Variants in SMYD4 observed in about 807,000 individuals in gnomAD.
SMYD4 encodes protein-lysine N-methyltransferase SMYD4.
In SMYD4, 68 loss-of-function variants were observed where a neutral mutation model predicts 72.8. The observed-to-expected ratio is 0.93, with a 90% CI of 0.77 to 1.14. The LOEUF is 1.14. Ranked by LOEUF, SMYD4 falls within the 50% of genes most tolerant of loss-of-function variation. SMYD4 has a pLI of 0.00. For missense variants in SMYD4, 984 were observed against 1,003.7 expected, an observed-to-expected ratio of 0.98 and a Z score of 0.27; for synonymous variants, 407 against 388.6, an observed-to-expected ratio of 1.05 and a Z score of -0.56.
chr17:1,800,899 G>C lies in SMYD4; in HGVS notation c.495C>G (p.Thr165=). 1 of 1,614,176 alleles carries C rather than the reference G, an allele frequency of 6.2e-7. No homozygotes were observed. The highest frequency in any genetic ancestry group is 8.5e-7 in the Non-Finnish European group (1 of 1,180,032). Residue 165 remains threonine, a synonymous_variant, in exon 5 of 11, where the codon ACC becomes ACG. Coordinates refer to ENST00000305513, the MANE Select transcript of SMYD4 (RefSeq NM_052928.3). ...ALGRLQEASQ[T]ISDLERNFTA... ...TGAAGTTCCTTTCAAGATCACTGAT[G>C]GTCTGGCTTGCCTCCTGCAGTCTCC...
chr17:1,820,987 G>C (rs952841037), intron 2 of SMYD4, among the ~76,000 whole-genome samples: 2 of 152,166 alleles, frequency 1.3e-5, no homozygotes, highest in Non-Finnish European at 2.9e-5. Context: ...TTTTTAAGGA[G>C]AGAGGTCTGG....
At chr17:1,819,618 T>C (rs58359867) in intron 2 of SMYD4, among the ~76,000 whole-genome samples, 28,485 of 152,146 alleles carry the variant, frequency 0.19, 2,753 homozygotes, top group Middle Eastern at 0.2. Context: ...CTACTGATAA[T>C]TGCCAGAATC....
At chr17:1,817,165 G>A (rs1910647386) in intron 2 of SMYD4, among the ~76,000 whole-genome samples, 1 of 151,386 alleles carries the variant, frequency 6.6e-6, no homozygotes, top group South Asian at 2.1e-4. Flanking sequence ...AGCCTCCCGA[G>A]TAGCCGGGAT....
intron 5 of SMYD4, among the ~76,000 whole-genome samples, chr17:1,794,106 T>TATATATATATATA (rs1491522927): frequency 2.8e-4 from 3 of 10,628 alleles, no homozygotes; most frequent in African/African-American, 3.9e-4. Flanking sequence ...TATATATATA[T>TATATATATATATA]TTTTTTTTTT....
intron 5 of SMYD4, among the ~76,000 whole-genome samples, chr17:1,799,652 G>A (rs1315774492): frequency 1.3e-5 from 2 of 152,076 alleles, no homozygotes; most frequent in Admixed American, 6.6e-5. Context: ...GGGATTATAG[G>A]AGTGGGCCAC....
intron 2 of SMYD4, among the ~76,000 whole-genome samples, chr17:1,815,227 C>A (rs1008608986): frequency 6.6e-6 from 1 of 151,978 alleles, no homozygotes; most frequent in African/African-American, 2.4e-5. Context: ...CCACACCCAG[C>A]TAATTTTTGT....
At chr17:1,826,934 T>A (rs1013154894) in intron 2 of SMYD4, among the ~76,000 whole-genome samples, 1 of 152,044 alleles carries the variant, frequency 6.6e-6, no homozygotes, top group African/African-American at 2.4e-5. Flanking sequence ...GCGGATCATT[T>A]GAGGGCAGGA....
Position 1,804,138 on chromosome 17 carries a change from G to A in SMYD4, c.369+488C>T, listed in dbSNP as rs186196294. ...GATCCGCCTGCCTCAGCCTCCCAAA[G>A]TGTTGGGATTACAGGCATGAGCCAC... On this transcript the variant is annotated intron_variant, in intron 4 of 10. Transcript: ENST00000305513. 1.5e-3 allele frequency among the ~76,000 whole-genome samples: 225 copies of A among 151,860 alleles called. 1 individual carries two copies. The highest frequency in any genetic ancestry group is 5.2e-3 in the African/African-American group (214 of 41,406).
At chr17:1,815,582 C>T (rs1567785222) in intron 2 of SMYD4, among the ~76,000 whole-genome samples, 1 of 148,714 alleles carries the variant, frequency 6.7e-6, no homozygotes, top group African/African-American at 2.5e-5. Flanking sequence ...CGCTTGAGCC[C>T]AGAAGGTCAG....
At chr17:1,794,344 C>G (rs1217838527) in intron 5 of SMYD4, among the ~76,000 whole-genome samples, 2 of 147,564 alleles carry the variant, frequency 1.4e-5, no homozygotes, top group Admixed American at 1.4e-4. Flanking sequence ...TGGACACGAT[C>G]TCCTGACCTT....
chr17:1,797,435 C>G (rs1342591050), intron 5 of SMYD4, among the ~76,000 whole-genome samples: 1 of 152,174 alleles, frequency 6.6e-6, no homozygotes, highest in East Asian at 1.9e-4. Flanking sequence ...AGATGTCAAG[C>G]TGGATCATGA....
intron 5 of SMYD4, among the ~76,000 whole-genome samples, chr17:1,794,774 T>C (rs1431119121): frequency 6.6e-6 from 1 of 151,496 alleles, no homozygotes; most frequent in East Asian, 1.9e-4. Context: ...TTATTCAAGA[T>C]GAATTTAGAA....
chr17:1,785,763 CAAAAAAAAAAAAG>C (rs1188198991), intron 7 of SMYD4, among the ~76,000 whole-genome samples: 3 of 42,088 alleles, frequency 7.1e-5, no homozygotes, highest in African/African-American at 2.2e-4. Flanking sequence ...GACCCCATCT[CAAAAAAAAAAAAG>C]AAAAAAAAAA....
chr17:1,814,581 T>G (rs773011676), intron 2 of SMYD4: 4 of 152,114 alleles, frequency 2.6e-5, no homozygotes, highest in Non-Finnish European at 2.9e-5. Context: ...ATCCCAGCAC[T>G]CTGGGAGGCC....
intron 3 of SMYD4, among the ~76,000 whole-genome samples, chr17:1,806,172 G>A (rs996011650): frequency 2.0e-5 from 3 of 151,920 alleles, no homozygotes; most frequent in East Asian, 1.9e-4. Context: ...TGATCCGCTC[G>A]CCTCGGCCTC....
At chr17:1,828,027 T>C (rs761007314) in intron 1 of SMYD4, 21 bp from the exon 2 acceptor site, 9 of 1,586,796 alleles carry the variant, frequency 5.7e-6, no homozygotes, top group South Asian at 1.1e-5. Flanking sequence ...AGTAAGAAAA[T>C]AGGAATCTTA....
chr17:1,795,266 T>C (rs1200959855), intron 5 of SMYD4, among the ~76,000 whole-genome samples: 1 of 151,792 alleles, frequency 6.6e-6, no homozygotes, highest in Non-Finnish European at 1.5e-5. Flanking sequence ...CTCAGCCTTC[T>C]GTCTGTCTGT....
intron 2 of SMYD4, among the ~76,000 whole-genome samples, chr17:1,815,744 G>C (rs943530074): frequency 4.6e-5 from 7 of 151,056 alleles, no homozygotes; most frequent in Non-Finnish European, 1.0e-4. Flanking sequence ...CTGTCACCGA[G>C]GCTGGAGTGC....
intron 5 of SMYD4, among the ~76,000 whole-genome samples, chr17:1,789,324 T>C (rs1908880029): frequency 6.6e-6 from 1 of 151,570 alleles, no homozygotes; most frequent in Admixed American, 6.6e-5. Context: ...GAGGAGGAGG[T>C]TGCAGTGAGC....
Sources: allele counts gnomAD v4.1 joint callset (sites outside exome capture counted in the v4.1 genomes callset), GRCh38; gene constraint gnomAD v4.1.1; transcripts MANE v1.5; gene names NCBI Gene and HGNC (gene_info 2026-07-23, HGNC 2026-07-21).